Variants in SLC47A1 observed in about 807,000 individuals in gnomAD.
The protein encoded by SLC47A1 is solute carrier family 47 member 1, also known as multidrug and toxin extrusion protein 1.
In SLC47A1, 58 loss-of-function variants were observed where a neutral mutation model predicts 65.8. That is an observed-to-expected ratio of 0.88 (90% CI 0.71 to 1.10). The LOEUF is 1.10. Ranked by LOEUF, SLC47A1 falls within the 50% of genes least tolerant of loss-of-function variation. The pLI, the probability that SLC47A1 is intolerant of heterozygous loss-of-function variation, is 0.00. For synonymous variants in SLC47A1, 285 were observed against 295.0 expected, an observed-to-expected ratio of 0.97 and a Z score of 0.35; for missense variants, 706 against 719.2, an observed-to-expected ratio of 0.98 and a Z score of 0.21.
At chr17:19,572,014 TAC>T (rs2084403381) in intron 15 of SLC47A1, among the ~76,000 whole-genome samples, 1 of 152,110 alleles carries the variant, frequency 6.6e-6, no homozygotes, top group Non-Finnish European at 1.5e-5. Flanking sequence ...TGAGTCGAGG[TAC>T]AGTGGCTTAT....
chr17:19,554,523 G>A (rs1037092001), intron 6 of SLC47A1, among the ~76,000 whole-genome samples: 3 of 152,154 alleles, frequency 2.0e-5, no homozygotes, highest in African/African-American at 2.4e-5. Context: ...GAAAGCACTC[G>A]TCATTCCACT....
chr17:19,569,077 CAG>C (rs1455180217), intron 14 of SLC47A1, among the ~76,000 whole-genome samples: 1 of 151,980 alleles, frequency 6.6e-6, no homozygotes, highest in Non-Finnish European at 1.5e-5. Flanking sequence ...ATTCATTTAA[CAG>C]AATATATCTA....
At chr17:19,546,409 G>A in intron 2 of SLC47A1, 26 bp from the exon 3 acceptor site, 1 of 1,611,188 alleles carries the variant, frequency 6.2e-7, no homozygotes. Context: ...AACTCTATAG[G>A]GCCTTATCTT....
At chr17:19,575,188 A>C (rs1257310974) in intron 16 of SLC47A1, among the ~76,000 whole-genome samples, 1 of 148,292 alleles carries the variant, frequency 6.7e-6, no homozygotes, top group Non-Finnish European at 1.5e-5. Flanking sequence ...TGCCTGTCTC[A>C]GCCTTCCAAA....
chr17:19,577,975 GT>G lies in SLC47A1; in HGVS notation c.*427del, dbSNP rs2152318493. On this transcript the variant is annotated 3_prime_UTR_variant, in exon 17 of 17. Transcript: ENST00000270570. ...ACTATTCACTGGGCAAATGGTATTT[GT>G]TTTTGTTTTAATTTTTTTTTTAATA... 7.8e-7 allele frequency: 1 copy of G among 1,283,508 alleles called. No homozygotes were observed. Among genetic ancestry groups the G allele is most frequent in the East Asian group, 5.6e-5 (1 of 17,984 alleles). The allele number at this position is 1,283,508 out of a possible 1,614,324, so 79.5% of individuals were successfully genotyped here. A position where few individuals can be genotyped will look rare whatever the true frequency, so the allele number is the denominator to read the frequency against.
intron 1 of SLC47A1, among the ~76,000 whole-genome samples, chr17:19,538,590 G>T (rs1349824398): frequency 6.6e-6 from 1 of 152,262 alleles, no homozygotes; most frequent in East Asian, 1.9e-4. Flanking sequence ...TGTTCCCCCA[G>T]TGCTGGGATG....
At chr17:19,574,231 C>T (rs553650487) in intron 16 of SLC47A1, among the ~76,000 whole-genome samples, 1 of 152,044 alleles carries the variant, frequency 6.6e-6, no homozygotes, top group South Asian at 2.1e-4. Flanking sequence ...ACTGGTTCAT[C>T]CTTAAGTCTT....
At chr17:19,546,586 A>ATCTT in intron 3 of SLC47A1, 83 bp downstream of exon 3, 1 of 1,362,836 alleles carries the variant, frequency 7.3e-7, no homozygotes, top group Non-Finnish European at 1.0e-6. Flanking sequence ...TGGCAGGAAG[A>ATCTT]GTTCAGCAGC....
intron 1 of SLC47A1, among the ~76,000 whole-genome samples, chr17:19,536,407 T>G (rs1032152229): frequency 7.9e-5 from 12 of 152,160 alleles, no homozygotes; most frequent in African/African-American, 2.4e-4. Flanking sequence ...TCTCTTTGTA[T>G]GTACATATAT....
At chr17:19,559,280 C>T (rs181520588) in intron 10 of SLC47A1, among the ~76,000 whole-genome samples, 35 of 152,326 alleles carry the variant, frequency 2.3e-4, no homozygotes, top group African/African-American at 7.5e-4. Context: ...ATCCTGATCC[C>T]TAACCACAAT....
intron 10 of SLC47A1, among the ~76,000 whole-genome samples, chr17:19,556,358 C>A (rs1597502648): frequency 6.6e-6 from 1 of 152,226 alleles, no homozygotes. Context: ...CTTTTAGAAT[C>A]TTTTTCAGTT....
rs1298099925 is a variant in SLC47A1 at position 19,566,991 on chromosome 17, T to C, written c.1177-105T>C. 5.0e-6 allele frequency: 8 copies of C among 1,595,394 alleles called. No homozygotes were observed. In the East Asian group the frequency reaches 1.6e-4, roughly 31 times the overall value. On this transcript the variant is annotated intron_variant, in intron 13 of 16. Transcript: ENST00000270570. The stretch of plus-strand genomic sequence containing the variant: ...CCACATTTCGTTTAGAAGGATACTG[T>C]CACCTTACCATGGATTTTAGCACAG...
At chr17:19,548,720 C>G (rs909561349) in intron 4 of SLC47A1, among the ~76,000 whole-genome samples, 1 of 152,174 alleles carries the variant, frequency 6.6e-6, no homozygotes, top group African/African-American at 2.4e-5. Context: ...AGGCTGGCCT[C>G]AAACTCCTGA....
chr17:19,572,958 C>A, intron 16 of SLC47A1, 97 bp downstream of exon 16: 3 of 978,602 alleles, frequency 3.1e-6, no homozygotes, highest in African/African-American at 1.6e-5. Flanking sequence ...TATGAGCTCT[C>A]ATTTAAATAG....
chr17:19,563,992 CA>C (rs58025430), intron 12 of SLC47A1, among the ~76,000 whole-genome samples: 65,655 of 147,252 alleles, frequency 0.45, 14,560 homozygotes, highest in Middle Eastern at 0.64. Flanking sequence ...CCGTCTCAGA[CA>C]AAAAAAAAAT....
rs555657341 is a variant in SLC47A1 at position 19,533,967 on chromosome 17, G to A, written c.28G>A (p.Val10Met). 1 of 1,536,324 alleles carries A rather than the reference G, an allele frequency of 6.5e-7. No individual in the cohort carries two copies. The stretch of plus-strand genomic sequence containing the variant: ...GGAAGCTCCTGAGGAGCCCGCGCCA[G>A]TGCGCGGAGGCCCGGAGGCCACCCT... Reference protein sequence around the residue: MEAPEEPAPVRGGPEATLEV... With the variant: MEAPEEPAPMRGGPEATLEV... Residue 10 changes from valine (V) to methionine (M), a missense_variant, in exon 1 of 17, where the codon GTG becomes ATG. By Grantham distance (21) the Val-to-Met change is conservative. Coordinates refer to ENST00000270570, the MANE Select transcript of SLC47A1 (RefSeq NM_018242.3).
In SLC47A1 at chr17:19,572,672, T is replaced by C. The variant is rs923053500; in HGVS notation, c.1405-108T>C. 20 of 956,448 alleles carry C rather than the reference T, an allele frequency of 2.1e-5. No homozygotes were observed. In the African/African-American group the frequency reaches 2.9e-4, roughly 14 times the overall value. The allele number at this position is 956,448 out of a possible 1,614,324, so 59.2% of individuals were successfully genotyped here. A position where few individuals can be genotyped will look rare whatever the true frequency, so the allele number is the denominator to read the frequency against. ...CTGTGAATGAGAGGAACTTCAGCTA[T>C]ACATGCCAATTAAGGAAAATGGCTT... On this transcript the variant is annotated intron_variant, in intron 15 of 16. Coordinates refer to ENST00000270570, the MANE Select transcript of SLC47A1 (RefSeq NM_018242.3).
At chr17:19,540,929 A>G (rs1456824012) in intron 1 of SLC47A1, among the ~76,000 whole-genome samples, 1 of 152,046 alleles carries the variant, frequency 6.6e-6, no homozygotes, top group Non-Finnish European at 1.5e-5. Context: ...GGCCCATCAC[A>G]GGAGTTGAAA....
intron 1 of SLC47A1, chr17:19,534,310 T>G: frequency 2.1e-6 from 1 of 468,424 alleles, no homozygotes. Context: ...CGGGAACGGC[T>G]GGTACGCGCC....
Sources: gnomAD v4.1 joint callset for allele counts (sites outside exome capture counted in the v4.1 genomes callset) on GRCh38, gnomAD v4.1.1 for gene constraint, MANE v1.5 for transcripts, NCBI Gene and HGNC (gene_info 2026-07-23, HGNC 2026-07-21) for gene names.